Variants in SYTL3 observed in about 807,000 individuals in gnomAD.
SYTL3 encodes the protein synaptotagmin like 3, also known as synaptotagmin-like protein 3.
In SYTL3, 88 loss-of-function variants were observed where a neutral mutation model predicts 82.1. The observed-to-expected ratio is 1.07, with a 90% CI of 0.90 to 1.28. The LOEUF is 1.28. Ranked by LOEUF, SYTL3 falls within the 50% of genes most tolerant of loss-of-function variation. SYTL3 has a pLI of 0.00. For missense variants in SYTL3, 831 were observed against 757.6 expected (o/e 1.10, Z -1.14); for synonymous variants, 311 against 289.4 (o/e 1.07, Z -0.76).
rs1250326393 is a variant in SYTL3, at chr6:158,708,116, G to A, written c.447-206G>A. 3.3e-5 allele frequency among the ~76,000 whole-genome samples: 5 copies of A among 152,070 alleles called. No individual in the cohort carries two copies. In the South Asian group the frequency reaches 8.3e-4, roughly 25 times the overall value. On this transcript the variant is annotated intron_variant, in intron 7 of 17. Coordinates refer to ENST00000611299, the MANE Select transcript of SYTL3 (RefSeq NM_001242394.2). ...GAGTACCCAGACTTTAGGCAGCATCGCCCTCATATAGATACCAGGAAATCA... is the reference window on the plus strand; with the variant it reads ...GAGTACCCAGACTTTAGGCAGCATCACCCTCATATAGATACCAGGAAATCA...
At chr6:158,695,662 T>C (rs1400333234) in intron 6 of SYTL3, among the ~76,000 whole-genome samples, 1 of 152,242 alleles carries the variant, frequency 6.6e-6, no homozygotes, top group Non-Finnish European at 1.5e-5. Flanking sequence ...TTCATTCTGC[T>C]ATATTGAAAC....
At chr6:158,750,864 C>T (rs528779889) in intron 12 of SYTL3, among the ~76,000 whole-genome samples, 1 of 152,212 alleles carries the variant, frequency 6.6e-6, no homozygotes, top group East Asian at 1.9e-4. Context: ...GGCGCGATCT[C>T]GGCTCACTGC....
intron 15 of SYTL3, among the ~76,000 whole-genome samples, chr6:158,761,847 G>C (rs2291389): frequency 0.12 from 17,506 of 152,154 alleles, 1,043 homozygotes; most frequent in Middle Eastern, 0.15. Flanking sequence ...TAGGATCTTA[G>C]TAATCCCTCC....
At chr6:158,667,588 C>T (rs1385336079) in intron 5 of SYTL3, among the ~76,000 whole-genome samples, 2 of 152,314 alleles carry the variant, frequency 1.3e-5, no homozygotes, top group East Asian at 1.9e-4. Context: ...ATAACTGTCG[C>T]ACATCTGGGG....
intron 11 of SYTL3, among the ~76,000 whole-genome samples, chr6:158,744,185 G>A (rs1787290059): frequency 6.6e-6 from 1 of 151,724 alleles, no homozygotes; most frequent in Admixed American, 6.6e-5. Context: ...CCAAAGTGCT[G>A]GGATTACAAG....
intron 6 of SYTL3, among the ~76,000 whole-genome samples, chr6:158,693,344 A>G (rs537496131): frequency 4.0e-4 from 61 of 152,158 alleles, no homozygotes; most frequent in African/African-American, 1.3e-3. Context: ...CAGCCCCCCA[A>G]GTAGCTGGGA....
upstream of SYTL3, among the ~76,000 whole-genome samples, chr6:158,648,664 A>G (rs1455814805): frequency 1.3e-5 from 2 of 151,922 alleles, no homozygotes; most frequent in East Asian, 3.9e-4. Flanking sequence ...GCAGCCCTTC[A>G]TAGTCCAAAT....
chr6:158,722,778 T>TG (rs1248660267), intron 10 of SYTL3, among the ~76,000 whole-genome samples: 8 of 144,390 alleles, frequency 5.5e-5, no homozygotes, highest in African/African-American at 2.1e-4. Flanking sequence ...TTTTTTTTTT[T>TG]TTTTTTTTTT....
At chr6:158,701,218 ATG>A (rs1781200863) in intron 6 of SYTL3, among the ~76,000 whole-genome samples, 2 of 68,110 alleles carry the variant, frequency 2.9e-5, no homozygotes, top group Non-Finnish European at 5.3e-5. Flanking sequence ...TGGGGTGTAG[ATG>A]AAGGAGTGTG....
At chr6:158,714,473 C>G (rs1783130851) in intron 9 of SYTL3, among the ~76,000 whole-genome samples, 1 of 152,114 alleles carries the variant, frequency 6.6e-6, no homozygotes, top group Non-Finnish European at 1.5e-5. Context: ...CCTTTCTCCT[C>G]TCCTCCTTGG....
chr6:158,673,881 C>A (rs1356372404), intron 5 of SYTL3, among the ~76,000 whole-genome samples: 3 of 150,986 alleles, frequency 2.0e-5, no homozygotes, highest in Admixed American at 6.6e-5. Context: ...GTCAGGAATT[C>A]AAGTCCAGCT....
At position 158,745,568 on chromosome 6, in the gene SYTL3, A is replaced by G. The variant is rs1787518127; in HGVS notation, c.944A>G (p.His315Arg). ...ACTGGAGAAATAGAATTTGCCATTCATTATTGCTTCAAAACCCATTCTTTA... is the reference window on the plus strand; with the variant it reads ...ACTGGAGAAATAGAATTTGCCATTCGTTATTGCTTCAAAACCCATTCTTTA... ...NVTGEIEFAI[H>R]YCFKTHSLEI... The change falls in exon 12 of 18, where the codon CAT (histidine) becomes CGT (arginine). Residue 315 changes from histidine to arginine, a missense_variant. Physicochemically the swap from His to Arg is conservative, Grantham distance 29. Coordinates refer to ENST00000611299, the MANE Select transcript of SYTL3 (RefSeq NM_001242394.2). The G allele has an allele frequency of 6.2e-7, 1 of 1,613,920 alleles. No individual in the cohort carries two copies. Among genetic ancestry groups the G allele is most frequent in the Non-Finnish European group, 8.5e-7 (1 of 1,179,958 alleles).
At chr6:158,742,946 C>A (rs1286618796) in intron 11 of SYTL3, among the ~76,000 whole-genome samples, 1 of 152,118 alleles carries the variant, frequency 6.6e-6, no homozygotes, top group Non-Finnish European at 1.5e-5. Flanking sequence ...TCAGCAAACG[C>A]CTTGAGGAAA....
chr6:158,659,705 G>A (rs1412460108), intron 2 of SYTL3, among the ~76,000 whole-genome samples: 1 of 152,182 alleles, frequency 6.6e-6, no homozygotes, highest in Admixed American at 6.5e-5. Flanking sequence ...ATTTCTTTCA[G>A]TGTATTAAAG....
At chr6:158,648,634 G>T (rs143025304), upstream of SYTL3, among the ~76,000 whole-genome samples, 393 of 151,248 alleles carry the variant, frequency 2.6e-3, 1 homozygote, top group African/African-American at 8.7e-3. Context: ...ATATCCAGCA[G>T]TGTTGTTCTG....
chr6:158,656,373 G>C (rs1305822338), intron 2 of SYTL3, among the ~76,000 whole-genome samples: 2 of 152,168 alleles, frequency 1.3e-5, no homozygotes, highest in African/African-American at 4.8e-5. Context: ...GCAGGTGGGT[G>C]CAGCCAGTTC....
intron 5 of SYTL3, among the ~76,000 whole-genome samples, chr6:158,680,033 T>C (rs1390803294): frequency 2.6e-5 from 4 of 152,212 alleles, no homozygotes; most frequent in Non-Finnish European, 5.9e-5. Context: ...GAAAGGCAAT[T>C]CTGCAAGTAA....
intron 14 of SYTL3, among the ~76,000 whole-genome samples, chr6:158,760,220 A>G (rs1024328750): frequency 2.0e-5 from 3 of 152,130 alleles, no homozygotes; most frequent in Non-Finnish European, 4.4e-5. Context: ...TGCTGTCCCC[A>G]GTGTCTGTGC....
intron 11 of SYTL3, among the ~76,000 whole-genome samples, chr6:158,736,616 C>A (rs1786209322): frequency 1.3e-5 from 2 of 151,570 alleles, no homozygotes; most frequent in South Asian, 4.2e-4. Context: ...TGGTGAAACC[C>A]CATTCTACTG....
Sources: gnomAD v4.1 joint callset for allele counts (sites outside exome capture counted in the v4.1 genomes callset) on GRCh38, gnomAD v4.1.1 for gene constraint, MANE v1.5 for transcripts, NCBI Gene and HGNC (gene_info 2026-07-23, HGNC 2026-07-21) for gene names.